SLC35F4: variants seen among roughly 807,000 people sequenced by gnomAD.
SLC35F4 encodes the protein chromosome 14 open reading frame 36.
In SLC35F4, 24 loss-of-function variants were observed where a neutral mutation model predicts 44.2. The ratio of observed to expected loss-of-function variants is 0.54; its 90% confidence interval spans 0.39 to 0.76. The LOEUF (loss-of-function observed/expected upper bound fraction) is 0.76. SLC35F4 is among the 30% of genes least tolerant of loss of function. The probability of loss-of-function intolerance (pLI) is 0.00; values close to 1 mark genes in which losing one functional copy is unlikely to be tolerated. For synonymous variants in SLC35F4, 238 were observed against 223.6 expected, an observed-to-expected ratio of 1.06 and a Z score of -0.57; for missense variants, 562 against 586.1, an observed-to-expected ratio of 0.96 and a Z score of 0.42.
intron 1 of SLC35F4, among the ~76,000 whole-genome samples, chr14:57,829,711 G>A (rs1385650483): frequency 6.6e-6 from 1 of 152,166 alleles, no homozygotes; most frequent in East Asian, 1.9e-4. Context: ...GAGACCAATC[G>A]CTACTGCAAC....
intron 1 of SLC35F4, among the ~76,000 whole-genome samples, chr14:57,701,269 G>A (rs1157193118): frequency 6.6e-6 from 1 of 152,046 alleles, no homozygotes; most frequent in East Asian, 1.9e-4. Flanking sequence ...CCACTGGAAG[G>A]TTATAAGAGC....
intron 1 of SLC35F4, among the ~76,000 whole-genome samples, chr14:57,930,426 A>G (rs530839540): frequency 1.6e-4 from 24 of 152,206 alleles, no homozygotes; most frequent in Non-Finnish European, 3.1e-4. Context: ...CCAGTTGCTC[A>G]TTGTCTCTGA....
chr14:57,650,689 C>G (rs1325865483), intron 1 of SLC35F4, among the ~76,000 whole-genome samples: 1 of 152,136 alleles, frequency 6.6e-6, no homozygotes, highest in African/African-American at 2.4e-5. Flanking sequence ...TGCTTAGATC[C>G]TTTCAACGGC....
At chr14:57,596,859 G>C (rs763706332) in intron 1 of SLC35F4, 1 of 1,367,516 alleles carries the variant, frequency 7.3e-7, no homozygotes, top group Admixed American at 1.9e-5. Flanking sequence ...GCCTCCCACT[G>C]GTCAGTTTGT....
chr14:57,624,480 A>G (rs2072366539), intron 1 of SLC35F4, among the ~76,000 whole-genome samples: 1 of 152,182 alleles, frequency 6.6e-6, no homozygotes, highest in African/African-American at 2.4e-5. Context: ...CTGATACAAC[A>G]ACCTGGGGGA....
intron 1 of SLC35F4, among the ~76,000 whole-genome samples, chr14:57,686,632 A>G (rs2075075850): frequency 6.6e-6 from 1 of 152,180 alleles, no homozygotes; most frequent in Non-Finnish European, 1.5e-5. Context: ...ATATGACAAC[A>G]TTGATCTTGG....
intron 1 of SLC35F4, among the ~76,000 whole-genome samples, chr14:57,855,598 A>G (rs1887007766): frequency 6.6e-6 from 1 of 152,222 alleles, no homozygotes; most frequent in East Asian, 1.9e-4. Flanking sequence ...GTGGGAGTGT[A>G]AATTAGTTCA....
intron 1 of SLC35F4, among the ~76,000 whole-genome samples, chr14:57,883,364 C>T (rs1359732319): frequency 1.3e-5 from 2 of 152,154 alleles, no homozygotes; most frequent in African/African-American, 4.8e-5. Context: ...GATGAAGAAT[C>T]CCTGTGGTAG....
chr14:57,925,533 G>T (rs946265915), intron 1 of SLC35F4, among the ~76,000 whole-genome samples: 403 of 106,964 alleles, frequency 3.8e-3, no homozygotes, highest in African/African-American at 0.015. Flanking sequence ...GAGGGAGGGA[G>T]GGAGGGAGGG....
chr14:57,963,711 C>A lies in SLC35F4; in HGVS notation n.282+18202G>T, dbSNP rs1426006135. Among the ~76,000 whole-genome samples, 55 of 120,264 alleles carry A rather than the reference C, an allele frequency of 4.6e-4. 1 individual carries two copies. The Admixed American group carries it at 5.6e-3, about 12-fold the overall frequency. 78.9% of individuals were successfully genotyped at this position (120,264 alleles called of 152,430 possible). ...AACCCCCAGAACATTCATTCTAGCT[C>A]CTTTTTTTTTTTTTTTTTTTTTTTT... On this transcript the variant is annotated intron_variant and non_coding_transcript_variant, in intron 1 of 1. Transcript: ENST00000556568.
intron 1 of SLC35F4, among the ~76,000 whole-genome samples, chr14:57,789,349 C>T (rs1320530481): frequency 6.6e-6 from 1 of 152,168 alleles, no homozygotes; most frequent in Non-Finnish European, 1.5e-5. Flanking sequence ...AAACTATCAT[C>T]AGAGAATACC....
Position 57,970,902 on chromosome 14 carries a change from A to G in SLC35F4, n.282+11011T>C, listed in dbSNP as rs189417899. Among the ~76,000 whole-genome samples, 514 of 152,206 alleles carry G rather than the reference A, an allele frequency of 3.4e-3. 3 individuals carry two copies. The highest frequency in any genetic ancestry group is 0.012 in the African/African-American group (480 of 41,544). ...GCTGACCATCCTCCTACTGAAGGAC[A>G]TTTTTTCCTCTGGATATGTTAATAG... On this transcript the variant is annotated intron_variant and non_coding_transcript_variant, in intron 1 of 1. Transcript: ENST00000556568.
chr14:57,654,899 G>A (rs1258676628), intron 1 of SLC35F4, among the ~76,000 whole-genome samples: 2 of 152,148 alleles, frequency 1.3e-5, no homozygotes, highest in Admixed American at 6.5e-5. Flanking sequence ...GCTTCTGGGT[G>A]TCCAGCACCC....
intron 1 of SLC35F4, among the ~76,000 whole-genome samples, chr14:57,686,070 G>T (rs2075058252): frequency 6.6e-6 from 1 of 152,136 alleles, no homozygotes; most frequent in Non-Finnish European, 1.5e-5. Context: ...TTGGTTCTTG[G>T]CTGTGTTTGA....
intron 1 of SLC35F4, among the ~76,000 whole-genome samples, chr14:57,787,244 C>A (rs2077787963): frequency 6.6e-6 from 1 of 152,114 alleles, no homozygotes; most frequent in Non-Finnish European, 1.5e-5. Context: ...TGAACAAAGC[C>A]TCTAAGTAGT....
chr14:57,764,767 A>G (rs1477332537), intron 1 of SLC35F4, among the ~76,000 whole-genome samples: 1 of 152,220 alleles, frequency 6.6e-6, no homozygotes, highest in East Asian at 1.9e-4. Flanking sequence ...ATGCAAAAGT[A>G]TAACTATGAT....
intron 1 of SLC35F4, among the ~76,000 whole-genome samples, chr14:57,936,910 C>A (rs907852579): frequency 6.6e-6 from 1 of 152,126 alleles, no homozygotes; most frequent in Non-Finnish European, 1.5e-5. Flanking sequence ...GAAAAATGAT[C>A]AAGCCAGCTT....
intron 1 of SLC35F4, among the ~76,000 whole-genome samples, chr14:57,862,278 T>C (rs1314512424): frequency 2.0e-5 from 3 of 152,222 alleles, no homozygotes; most frequent in Admixed American, 6.5e-5. Flanking sequence ...CTTCTAGTGC[T>C]ACAACTCTGG....
chr14:57,629,654 T>C lies in SLC35F4; in HGVS notation c.104-35530A>G, dbSNP rs902273232. ...GAAAAGAAACTGTTTTCTCATGGAA[T>C]GGTCACAGAAATTATCACTATATAT... On this transcript the variant is annotated intron_variant, in intron 1 of 7. Transcript: ENST00000556826. 3.3e-5 allele frequency among the ~76,000 whole-genome samples: 5 copies of C among 152,136 alleles called. No individual in the cohort carries two copies. In the South Asian group the frequency reaches 1.0e-3, roughly 31 times the overall value.
Sources: gnomAD v4.1 joint callset for allele counts (sites outside exome capture counted in the v4.1 genomes callset) on GRCh38, gnomAD v4.1.1 for gene constraint, MANE v1.5 for transcripts, NCBI Gene and HGNC (gene_info 2026-07-23, HGNC 2026-07-21) for gene names.